CLYBL: variants seen among roughly 807,000 people sequenced by gnomAD.
The protein encoded by CLYBL is citramalyl-CoA lyase, mitochondrial.
A neutral mutation model predicts 38.9 loss-of-function variants in CLYBL; 31 were observed. The observed-to-expected ratio is 0.80, with a 90% confidence interval of 0.60 to 1.08. The LOEUF (loss-of-function observed/expected upper bound fraction) is 1.08, where lower values mean the gene tolerates loss of function less well. Among genes scored for constraint, CLYBL ranks in the 50% least tolerant of loss-of-function variants. The pLI is 0.00. For missense variants in CLYBL, 434 were observed against 411.6 expected (o/e 1.05, Z -0.47); for synonymous variants, 171 against 158.6 (o/e 1.08, Z -0.59).
intron 3 of CLYBL, among the ~76,000 whole-genome samples, chr13:99,861,013 GA>G (rs1204803752): frequency 6.6e-6 from 1 of 152,180 alleles, no homozygotes; most frequent in Non-Finnish European, 1.5e-5. Flanking sequence ...CACTGGAATT[GA>G]AAGAATCGCT....
At chr13:99,904,337 G>C (rs1310903833) in intron 8 of CLYBL, among the ~76,000 whole-genome samples, 1 of 152,136 alleles carries the variant, frequency 6.6e-6, no homozygotes, top group Non-Finnish European at 1.5e-5. Context: ...GCAGTCAAAG[G>C]GACAACATTG....
intron 7 of CLYBL, among the ~76,000 whole-genome samples, chr13:99,875,384 C>T (rs2052011762): frequency 6.6e-6 from 1 of 152,166 alleles, no homozygotes; most frequent in Non-Finnish European, 1.5e-5. Context: ...GTCTCTTCAT[C>T]TAGAAACTTT....
rs74324336 is a variant in CLYBL, at chr13:99,768,894, G to A, written c.63-3930G>A. Among the ~76,000 whole-genome samples, 1,267 of 152,138 alleles carry A rather than the reference G, an allele frequency of 8.3e-3. 10 individuals carry two copies. Among genetic ancestry groups the A allele is most frequent in the Non-Finnish European group, 0.015 (1,023 of 67,992 alleles). Reference sequence around the variant, plus strand: ...TATATATATGTGTTTGTTTTTGAATGTCCTAGTCTTTAATGTCTGGCTTCT... The same window carrying A: ...TATATATATGTGTTTGTTTTTGAATATCCTAGTCTTTAATGTCTGGCTTCT... On this transcript the variant is annotated intron_variant, in intron 1 of 8. Transcript: ENST00000339105.
chr13:99,756,958 C>T (rs562882594), intron 1 of CLYBL, among the ~76,000 whole-genome samples: 4 of 152,206 alleles, frequency 2.6e-5, no homozygotes, highest in East Asian at 1.9e-4. Context: ...AGTGCAGTGA[C>T]GTGATCATGG....
At chr13:99,887,246 G>A (rs534779685) in intron 7 of CLYBL, among the ~76,000 whole-genome samples, 8 of 149,158 alleles carry the variant, frequency 5.4e-5, no homozygotes, top group South Asian at 2.1e-4. Context: ...AGTCCCCCCC[G>A]CCCATTGTTC....
chr13:99,766,269 G>A (rs542591269), intron 1 of CLYBL, among the ~76,000 whole-genome samples: 1 of 152,158 alleles, frequency 6.6e-6, no homozygotes, highest in African/African-American at 2.4e-5. Flanking sequence ...TAGGCTCAAT[G>A]ATTCTTACCT....
rs113587612 is a variant in CLYBL at position 99,780,308 on chromosome 13, C to T, written c.249+7298C>T. ...TCAGTGTAACATTTTCATCCTTTTG[C>T]TTTCAAAGTGTCCATATCTTTGTAT... On this transcript the variant is annotated intron_variant, in intron 2 of 8. Transcript: ENST00000339105. 4.3e-3 allele frequency among the ~76,000 whole-genome samples: 657 copies of T among 152,270 alleles called. 2 individuals carry two copies. The highest frequency in any genetic ancestry group is 6.6e-3 in the Non-Finnish European group (447 of 68,028).
At chr13:99,694,440 G>A (rs189706740) in intron 1 of CLYBL, among the ~76,000 whole-genome samples, 4 of 152,174 alleles carry the variant, frequency 2.6e-5, no homozygotes, top group Non-Finnish European at 5.9e-5. Context: ...GTGTTTCCAC[G>A]TTTCAGCCTC....
chr13:99,671,751 G>C (rs1182580228), intron 1 of CLYBL, among the ~76,000 whole-genome samples: 2 of 149,450 alleles, frequency 1.3e-5, no homozygotes, highest in Non-Finnish European at 3.0e-5. Flanking sequence ...CTGTACTCCA[G>C]CTTGGGTGAC....
intron 1 of CLYBL, among the ~76,000 whole-genome samples, chr13:99,700,886 G>C (rs2048055173): frequency 6.6e-6 from 1 of 152,208 alleles, no homozygotes; most frequent in Non-Finnish European, 1.5e-5. Context: ...GAAAACAAAT[G>C]ATTTAGTATT....
At chr13:99,748,196 A>G (rs1021922320) in intron 1 of CLYBL, among the ~76,000 whole-genome samples, 6 of 152,022 alleles carry the variant, frequency 3.9e-5, no homozygotes, top group Non-Finnish European at 8.8e-5. Context: ...CGTGGCCAAC[A>G]TGGCAAAACC....
At chr13:99,722,606 A>G (rs1407914150) in intron 1 of CLYBL, among the ~76,000 whole-genome samples, 1 of 146,548 alleles carries the variant, frequency 6.8e-6, no homozygotes. Context: ...TTTCACTTCC[A>G]GTAGCAGATA....
chr13:99,904,440 T>C (rs9585270), intron 8 of CLYBL, among the ~76,000 whole-genome samples: 5 of 152,154 alleles, frequency 3.3e-5, no homozygotes, highest in Non-Finnish European at 5.9e-5. Flanking sequence ...ATGAATTGAT[T>C]TGATAAGGAA....
intron 2 of CLYBL, among the ~76,000 whole-genome samples, chr13:99,800,611 C>T (rs1339768302): frequency 2.0e-5 from 3 of 152,136 alleles, no homozygotes; most frequent in African/African-American, 7.2e-5. Flanking sequence ...TGGTAGCTCA[C>T]GCCTGTAATC....
chr13:99,772,451 T>C (rs1386075511), intron 1 of CLYBL, among the ~76,000 whole-genome samples: 3 of 152,092 alleles, frequency 2.0e-5, no homozygotes, highest in South Asian at 4.2e-4. Context: ...AATCCCAGCA[T>C]TTTGGGAGCC....
chr13:99,793,516 G>C (rs1273059610), intron 2 of CLYBL, among the ~76,000 whole-genome samples: 1 of 152,098 alleles, frequency 6.6e-6, no homozygotes, highest in African/African-American at 2.4e-5. Flanking sequence ...AGTGTTTTCA[G>C]TCTTTTATTA....
intron 1 of CLYBL, among the ~76,000 whole-genome samples, chr13:99,727,685 G>A (rs2048502561): frequency 6.6e-6 from 1 of 151,956 alleles, no homozygotes; most frequent in South Asian, 2.1e-4. Context: ...TTCTCCCGTG[G>A]CCAGTATGGG....
intron 1 of CLYBL, among the ~76,000 whole-genome samples, chr13:99,676,588 C>G (rs1220030383): frequency 1.3e-5 from 2 of 150,236 alleles, no homozygotes; most frequent in Middle Eastern, 6.8e-3. Context: ...CCACACCCAG[C>G]CTTCTTCATT....
rs141795721 is a variant in CLYBL at position 99,856,573 on chromosome 13, A to G, written c.250-2288A>G. Among the ~76,000 whole-genome samples the G allele has an allele frequency of 5.6e-3, 855 of 152,248 alleles. 20 individuals are homozygous for G. The highest frequency in any genetic ancestry group is 0.044 in the Admixed American group (675 of 15,286). ...GGCTACACAGAGAAGAACATGCTTT[A>G]GGTTCTCCACAGCCATGGATCTAAA... On this transcript the variant is annotated intron_variant, in intron 2 of 8. Coordinates refer to ENST00000339105, the MANE Select transcript of CLYBL (RefSeq NM_206808.5).
Sources: gnomAD v4.1 joint callset for allele counts (sites outside exome capture counted in the v4.1 genomes callset) on GRCh38, gnomAD v4.1.1 for gene constraint, MANE v1.5 for transcripts, NCBI Gene and HGNC (gene_info 2026-07-23, HGNC 2026-07-21) for gene names.